The following FBXL17 variants were observed in gnomAD, a reference collection of about 807,000 sequenced individuals.
FBXL17 encodes the protein F-box and leucine rich repeat protein 17.
FBXL17 carries 22 observed loss-of-function variants against 66.2 expected under a neutral mutation model. The ratio of observed to expected loss-of-function variants is 0.33; its 90% CI spans 0.24 to 0.47. FBXL17 has a LOEUF of 0.47. Ranked by LOEUF, FBXL17 falls within the 20% of genes least tolerant of loss-of-function variation. The pLI is 1.00. For synonymous variants in FBXL17, 474 were observed against 400.5 expected, an observed-to-expected ratio of 1.18 and a Z score of -2.19; for missense variants, 878 against 948.2, an observed-to-expected ratio of 0.93 and a Z score of 0.97.
At chr5:108,061,118 T>C (rs286757) in intron 6 of FBXL17, among the ~76,000 whole-genome samples, 118,038 of 151,784 alleles carry the variant, frequency 0.78, 46,266 homozygotes, top group East Asian at 0.93. Context: ...GAAACCCCGT[T>C]TCTACTAAAA....
At chr5:108,293,673 G>A (rs183013969) in intron 4 of FBXL17, among the ~76,000 whole-genome samples, 1 of 152,208 alleles carries the variant, frequency 6.6e-6, no homozygotes, top group African/African-American at 2.4e-5. Context: ...ACAGGTATTT[G>A]CTGTTAAGTC....
chr5:107,989,893 T>C (rs943436091), intron 7 of FBXL17, among the ~76,000 whole-genome samples: 5 of 152,162 alleles, frequency 3.3e-5, no homozygotes, highest in East Asian at 1.9e-4. Context: ...GGTTTACTGA[T>C]TGGAACTGTT....
At chr5:107,937,147 C>T (rs1750936456) in intron 7 of FBXL17, among the ~76,000 whole-genome samples, 1 of 151,900 alleles carries the variant, frequency 6.6e-6, no homozygotes, top group South Asian at 2.1e-4. Context: ...AAAAAAAATC[C>T]ATATTCTCAT....
At chr5:108,122,873 G>A (rs1356449958) in intron 6 of FBXL17, among the ~76,000 whole-genome samples, 1 of 151,896 alleles carries the variant, frequency 6.6e-6, no homozygotes, top group African/African-American at 2.4e-5. Context: ...CATGTTCCTC[G>A]CAGTCACCTC....
intron 8 of FBXL17, chr5:107,880,610 A>C: frequency 9.1e-7 from 1 of 1,098,964 alleles, no homozygotes; most frequent in African/African-American, 1.6e-5. Context: ...TCAGTACCAA[A>C]ATTACACACT....
chr5:108,179,349 T>C (rs547063741), intron 6 of FBXL17, among the ~76,000 whole-genome samples: 2 of 152,290 alleles, frequency 1.3e-5, no homozygotes, highest in African/African-American at 4.8e-5. Flanking sequence ...GCCAAGGTGC[T>C]GTCAGTCTCA....
At chr5:107,969,774 G>A (rs1329567977) in intron 7 of FBXL17, among the ~76,000 whole-genome samples, 1 of 152,042 alleles carries the variant, frequency 6.6e-6, no homozygotes, top group Non-Finnish European at 1.5e-5. Context: ...GCATACTAGA[G>A]AACCTAATTT....
chr5:108,318,775 T>C (rs1263056928), intron 4 of FBXL17, among the ~76,000 whole-genome samples: 2 of 151,922 alleles, frequency 1.3e-5, no homozygotes, highest in African/African-American at 4.8e-5. Flanking sequence ...GTTTAATATT[T>C]CCATCTATGG....
chr5:108,302,063 G>A, intron 4 of FBXL17: 2 of 982,968 alleles, frequency 2.0e-6, no homozygotes, highest in Non-Finnish European at 2.4e-6. Context: ...ATGTCTTTCT[G>A]AAAAACATGC....
chr5:108,342,307 A>T (rs560927822), intron 4 of FBXL17, among the ~76,000 whole-genome samples: 2 of 152,344 alleles, frequency 1.3e-5, no homozygotes, highest in South Asian at 4.1e-4. Context: ...TCTATTATTA[A>T]TTATATTCAT....
At chr5:107,931,852 G>A (rs1484493959) in intron 7 of FBXL17, among the ~76,000 whole-genome samples, 1 of 152,008 alleles carries the variant, frequency 6.6e-6, no homozygotes, top group Admixed American at 6.6e-5. Context: ...CTACCACTCG[G>A]TATTATATTT....
chr5:108,220,508 A>G (rs551703391), intron 5 of FBXL17, among the ~76,000 whole-genome samples: 2 of 152,256 alleles, frequency 1.3e-5, no homozygotes, highest in South Asian at 4.1e-4. Flanking sequence ...CTGTTTTTTT[A>G]AAGTTGTTTC....
At chr5:108,201,704 C>T (rs1032350268) in intron 5 of FBXL17, among the ~76,000 whole-genome samples, 9 of 151,832 alleles carry the variant, frequency 5.9e-5, no homozygotes, top group East Asian at 1.9e-4. Context: ...TTCTCTAATT[C>T]GGGCAGTCTG....
intron 6 of FBXL17, among the ~76,000 whole-genome samples, chr5:108,184,848 C>T (rs1402796198): frequency 6.7e-6 from 1 of 148,402 alleles, no homozygotes. Flanking sequence ...TAAATCTAAA[C>T]AGGTTCTAAT....
chr5:108,180,437 C>G (rs1752956116), intron 6 of FBXL17, among the ~76,000 whole-genome samples: 1 of 151,786 alleles, frequency 6.6e-6, no homozygotes, highest in African/African-American at 2.4e-5. Flanking sequence ...GCCCGGGAAG[C>G]AGAGGTTGCA....
intron 4 of FBXL17, among the ~76,000 whole-genome samples, chr5:108,335,660 G>C (rs2150246914): frequency 6.6e-6 from 1 of 152,142 alleles, no homozygotes; most frequent in South Asian, 2.1e-4. Context: ...GACTGAAAAT[G>C]ATTTACCACT....
rs1050647357 is a variant in FBXL17, at chr5:107,861,668, A to G, written c.*52T>C. On this transcript the variant is annotated 3_prime_UTR_variant, in exon 9 of 9. Coordinates refer to ENST00000542267, the MANE Select transcript of FBXL17 (RefSeq NM_001163315.3). ...GAGAGATCAGCTCCCCAAATGTACA[A>G]TTCTCCTCTGCTCTGCTGAATGATC... 6.9e-7 allele frequency: 1 copy of G among 1,457,606 alleles called. No homozygotes were observed. Among genetic ancestry groups the G allele is most frequent in the Non-Finnish European group, 9.1e-7 (1 of 1,093,768 alleles). The allele number at this position is 1,457,606 out of a possible 1,614,324, so 90.3% of individuals were successfully genotyped here.
chr5:108,150,889 G>A (rs986098554), intron 6 of FBXL17, among the ~76,000 whole-genome samples: 11 of 152,122 alleles, frequency 7.2e-5, no homozygotes, highest in African/African-American at 2.4e-4. Context: ...TTAATAATTA[G>A]TGAGCTAATA....
At position 108,009,194 on chromosome 5, in the gene FBXL17, CATATAT is replaced by C. The variant is rs373679985; in HGVS notation, c.1822+11725_1822+11730del. ...GTATGAACATAGTTCATTTGAAAAG[CATATAT>C]ATATATATATATATATATATATATA... On this transcript the variant is annotated intron_variant, in intron 7 of 8. Coordinates refer to ENST00000542267, the MANE Select transcript of FBXL17 (RefSeq NM_001163315.3). Among the ~76,000 whole-genome samples, 305 of 54,118 alleles carry C rather than the reference CATATAT, an allele frequency of 5.6e-3. 5 individuals carry two copies. Among genetic ancestry groups the C allele is most frequent in the Admixed American group, 0.032 (99 of 3,134 alleles). 35.5% of individuals were successfully genotyped at this position (54,118 alleles called of 152,430 possible). A position where few individuals can be genotyped will look rare whatever the true frequency, so the allele number is the denominator to read the frequency against.
Sources: allele counts gnomAD v4.1 joint callset (sites outside exome capture counted in the v4.1 genomes callset), GRCh38; gene constraint gnomAD v4.1.1; transcripts MANE v1.5; gene names NCBI Gene and HGNC (gene_info 2026-07-23, HGNC 2026-07-21).